Variants in EML6 observed in about 807,000 individuals in gnomAD.
EML6 encodes the protein EMAP like 6.
In EML6, 154 loss-of-function variants were observed where a neutral mutation model predicts 240.1. The ratio of observed to expected loss-of-function variants is 0.64; its 90% CI spans 0.56 to 0.73. The LOEUF (loss-of-function observed/expected upper bound fraction) is 0.73. Ranked by LOEUF, EML6 falls within the 30% of genes least tolerant of loss-of-function variation. EML6 has a pLI of 0.00. For missense variants in EML6, 2,964 were observed against 2,474.6 expected (o/e 1.20, Z -4.20); for synonymous variants, 1,148 against 899.0 (o/e 1.28, Z -4.95).
intron 35 of EML6, 39 bp downstream of exon 35, chr2:54,960,373 AG>A: frequency 6.8e-7 from 1 of 1,471,624 alleles, no homozygotes; most frequent in Non-Finnish European, 9.3e-7. Context: ...GGGCCAGGGA[AG>A]GGGGAAGTGT....
intron 2 of EML6, among the ~76,000 whole-genome samples, chr2:54,743,784 CATTAT>C (rs1164725748): frequency 6.6e-6 from 1 of 152,058 alleles, no homozygotes; most frequent in Non-Finnish European, 1.5e-5. Context: ...ATTGTGCTAA[CATTAT>C]ATTATAAAAC....
intron 2 of EML6, among the ~76,000 whole-genome samples, chr2:54,755,678 C>T (rs765044506): frequency 2.0e-4 from 31 of 151,610 alleles, no homozygotes; most frequent in African/African-American, 6.5e-4. Context: ...TTAGTTTTTT[C>T]GAGACAGGGT....
Position 54,952,509 on chromosome 2 carries a change from C to T in EML6, c.4214-85C>T, listed in dbSNP as rs538991838. ...AAGCTCTCACTTTTATAAGAAGTAT[C>T]CAATGGCTCCACGCGATGTTTTGAA... On this transcript the variant is annotated intron_variant, in intron 30 of 41. Coordinates refer to ENST00000356458, the MANE Select transcript of EML6 (RefSeq NM_001039753.4). 5.3e-6 allele frequency: 4 copies of T among 750,608 alleles called. No individual in the cohort carries two copies. The South Asian group carries it at 5.5e-5, about 10-fold the overall frequency. The allele number at this position is 750,608 out of a possible 1,614,324, so 46.5% of individuals were successfully genotyped here.
intron 28 of EML6, among the ~76,000 whole-genome samples, chr2:54,935,701 C>G (rs780406277): frequency 2.0e-5 from 3 of 152,072 alleles, no homozygotes; most frequent in African/African-American, 4.8e-5. Context: ...TTTTGTTATT[C>G]GCATATATCT....
chr2:54,825,542 C>A (rs1218808354), intron 5 of EML6, among the ~76,000 whole-genome samples: 1 of 152,176 alleles, frequency 6.6e-6, no homozygotes, highest in Admixed American at 6.5e-5. Flanking sequence ...GTATTACAGG[C>A]ATGAGCCACT....
chr2:54,841,545 C>G (rs926243640), intron 7 of EML6, among the ~76,000 whole-genome samples: 2 of 149,638 alleles, frequency 1.3e-5, no homozygotes, highest in African/African-American at 4.9e-5. Flanking sequence ...ATTACCCCTT[C>G]TGTTGTCCCA....
chr2:54,863,138 G>T (rs932838698), intron 12 of EML6, among the ~76,000 whole-genome samples: 1 of 152,188 alleles, frequency 6.6e-6, no homozygotes, highest in African/African-American at 2.4e-5. Flanking sequence ...TTCTGTGGTG[G>T]TTTGGGCCAT....
Position 54,923,019 on chromosome 2 carries a change from G to A in EML6, c.3676-5294G>A, listed in dbSNP as rs555617640. ...TGCAATGGCACAATCTGGGCTCACC[G>A]CAACCTCTGCCTCCCGGGTTCAACC... On this transcript the variant is annotated intron_variant, in intron 26 of 41. Coordinates refer to ENST00000356458, the MANE Select transcript of EML6 (RefSeq NM_001039753.4). 4.4e-4 allele frequency among the ~76,000 whole-genome samples: 60 copies of A among 135,478 alleles called. 1 individual carries two copies. Among genetic ancestry groups the A allele is most frequent in the Non-Finnish European group, 3.7e-4 (24 of 65,424 alleles). The allele number at this position is 135,478 out of a possible 152,430, so 88.9% of individuals were successfully genotyped here. A position where few individuals can be genotyped will look rare whatever the true frequency, so the allele number is the denominator to read the frequency against.
intron 2 of EML6, among the ~76,000 whole-genome samples, chr2:54,798,400 C>G (rs1669935380): frequency 6.6e-6 from 1 of 152,098 alleles, no homozygotes; most frequent in Admixed American, 6.6e-5. Flanking sequence ...GTCTGGAACT[C>G]CTGACCTTGT....
intron 26 of EML6, among the ~76,000 whole-genome samples, chr2:54,923,367 G>A (rs866473169): frequency 7.4e-4 from 107 of 144,462 alleles, no homozygotes; most frequent in African/African-American, 2.6e-3. Flanking sequence ...CTCACCAAAC[G>A]CACACACACA....
At position 54,899,655 on chromosome 2, in the gene EML6, A is replaced by G; in HGVS notation, c.2997A>G (p.Gly999=). ...MTLLVQGHME[G]EVWGLAAHPL... ...CTCTCCCACAGGGGCACATGGAAGG[A>G]GAAGTGTGGGGGTTGGCAGCTCACC... The change falls in exon 22 of 42, where the codon GGA becomes GGG. Residue 999 remains glycine (G), a synonymous_variant. Transcript: ENST00000356458. The G allele has an allele frequency of 6.4e-7, 1 of 1,553,682 alleles. No homozygotes were observed. Among genetic ancestry groups the G allele is most frequent in the South Asian group, 1.2e-5 (1 of 84,170 alleles).
intron 2 of EML6, among the ~76,000 whole-genome samples, chr2:54,795,154 A>G (rs962419757): frequency 6.6e-5 from 10 of 152,242 alleles, no homozygotes; most frequent in Non-Finnish European, 1.2e-4. Context: ...ACACTACTAT[A>G]AAGAACTACC....
At chr2:54,793,534 C>G (rs918168861) in intron 2 of EML6, among the ~76,000 whole-genome samples, 1 of 152,058 alleles carries the variant, frequency 6.6e-6, no homozygotes, top group Non-Finnish European at 1.5e-5. Context: ...ACACTAAATC[C>G]TGTCGAACTT....
At chr2:54,832,305 C>G (rs141614012) in intron 7 of EML6, among the ~76,000 whole-genome samples, 1 of 152,188 alleles carries the variant, frequency 6.6e-6, no homozygotes, top group Non-Finnish European at 1.5e-5. Context: ...TGCTCTGTTG[C>G]GCTCAGCCAG....
At chr2:54,834,364 A>C (rs1445048754) in intron 7 of EML6, among the ~76,000 whole-genome samples, 2 of 152,244 alleles carry the variant, frequency 1.3e-5, no homozygotes, top group Non-Finnish European at 2.9e-5. Flanking sequence ...AGAAAAGCCA[A>C]AATTCTTAAA....
chr2:54,877,890 C>T (rs1018409986), intron 16 of EML6, among the ~76,000 whole-genome samples: 2 of 152,186 alleles, frequency 1.3e-5, no homozygotes, highest in East Asian at 1.9e-4. Flanking sequence ...CTCTGACTCT[C>T]CTTCATCCAG....
intron 2 of EML6, among the ~76,000 whole-genome samples, chr2:54,737,596 C>T (rs939596078): frequency 1.3e-5 from 2 of 152,178 alleles, no homozygotes; most frequent in Non-Finnish European, 2.9e-5. Flanking sequence ...CTCTCCTTTT[C>T]TCTTCATGCC....
intron 2 of EML6, among the ~76,000 whole-genome samples, chr2:54,745,477 G>C (rs371494638): frequency 5.9e-5 from 9 of 152,252 alleles, no homozygotes; most frequent in Admixed American, 4.6e-4. Flanking sequence ...AAATGAAAAG[G>C]CACAAGACCT....
chr2:54,844,207 G>A lies in EML6; in HGVS notation c.1008G>A (p.Lys336=), dbSNP rs1354298400. Reference sequence around the variant, plus strand: ...TCTGGGCTCTGGCCCTGCACCCCAAGAAGCCTCTGGCTGTGACAGGCAGCG... The same window carrying A: ...TCTGGGCTCTGGCCCTGCACCCCAAAAAGCCTCTGGCTGTGACAGGCAGCG... ...GELWALALHP[K]KPLAVTGSDD... is the part of the protein sequence containing the mutation. The change falls in exon 8 of 42, where the codon AAG becomes AAA. Residue 336 remains lysine, a synonymous_variant. Transcript: ENST00000356458. 5.2e-6 allele frequency: 8 copies of A among 1,551,714 alleles called. No individual in the cohort carries two copies. The highest frequency in any genetic ancestry group is 7.0e-6 in the Non-Finnish European group (8 of 1,146,998).
Sources: gnomAD v4.1 joint callset for allele counts (sites outside exome capture counted in the v4.1 genomes callset) on GRCh38, gnomAD v4.1.1 for gene constraint, MANE v1.5 for transcripts, NCBI Gene and HGNC (gene_info 2026-07-23, HGNC 2026-07-21) for gene names.